The following TMBIM6 variants were observed in gnomAD, a reference collection of about 807,000 sequenced individuals.
The protein encoded by TMBIM6 is transmembrane BAX inhibitor motif containing 6.
A neutral mutation model predicts 31.4 loss-of-function variants in TMBIM6; 13 were observed. The ratio of observed to expected loss-of-function variants is 0.41; its 90% CI spans 0.27 to 0.66. TMBIM6 has a LOEUF of 0.66. Ranked by LOEUF, TMBIM6 falls within the 30% of genes least tolerant of loss-of-function variation. TMBIM6 has a pLI of 0.28. For missense variants in TMBIM6, 275 were observed against 289.5 expected (o/e 0.95, Z 0.36); for synonymous variants, 85 against 101.7 (o/e 0.84, Z 0.99).
rs1414582131 is a variant in TMBIM6 at position 49,753,020 on chromosome 12, C to T, written c.104C>T (p.Ala35Val). The change falls in exon 3 of 10, where the codon GCC becomes GTC. Residue 35 changes from alanine (A) to valine (V), a missense_variant. Ala to Val is a moderately conservative substitution (Grantham distance 64). Coordinates refer to ENST00000267115, the MANE Select transcript of TMBIM6 (RefSeq NM_003217.3). ...QHLKKVYASF[A>V]LCMFVAAAGA... is the part of the protein sequence containing the mutation. ...CTGAAGAAGGTCTATGCAAGTTTTG[C>T]CCTTTGTATGTTTGTGGCGGCTGCA... The T allele has an allele frequency of 6.2e-7, 1 of 1,614,020 alleles. No homozygotes were observed. The highest frequency in any genetic ancestry group is 8.5e-7 in the Non-Finnish European group (1 of 1,179,976).
Position 49,758,339 on chromosome 12 carries a change from C to G in TMBIM6, c.336-44C>G, listed in dbSNP as rs74087193. ...ATGAATATACCTTCTAAATGTAGACCGTATACCTGTAGCCCTTAATCTAAT... is the reference window on the plus strand; with the variant it reads ...ATGAATATACCTTCTAAATGTAGACGGTATACCTGTAGCCCTTAATCTAAT... On this transcript the variant is annotated intron_variant, in intron 5 of 9. Coordinates refer to ENST00000267115, the MANE Select transcript of TMBIM6 (RefSeq NM_003217.3). The G allele has an allele frequency of 5.3e-3, 8,580 of 1,612,558 alleles. 430 individuals carry two copies. In the African/African-American group the frequency reaches 0.1, roughly 19 times the overall value.
intron 1 of TMBIM6, among the ~76,000 whole-genome samples, chr12:49,746,118 T>C (rs952031514): frequency 6.6e-5 from 10 of 151,606 alleles, no homozygotes; most frequent in African/African-American, 2.2e-4. Context: ...AGTCTCACTC[T>C]GTCGCCCAGG....
chr12:49,743,665 CAT>C (rs1313548207), intron 1 of TMBIM6: 1 of 152,116 alleles, frequency 6.6e-6, no homozygotes, highest in African/African-American at 2.4e-5. Context: ...AGAAAAATGT[CAT>C]AGGAATCAAT....
intron 1 of TMBIM6, chr12:49,742,415 CTTTGTATA>C (rs1592718098): frequency 4.0e-6 from 5 of 1,240,334 alleles, no homozygotes; most frequent in Non-Finnish European, 1.1e-6. Flanking sequence ...GCTTTGGTAT[CTTTGTATA>C]TTTACTGAGT....
intron 4 of TMBIM6, among the ~76,000 whole-genome samples, chr12:49,756,714 C>G (rs1017045787): frequency 2.1e-5 from 3 of 140,884 alleles, no homozygotes; most frequent in African/African-American, 7.9e-5. Flanking sequence ...CATGAGCCAC[C>G]ACACCCAGCG....
chr12:49,755,690 C>A lies in TMBIM6; in HGVS notation c.221C>A (p.Thr74Lys). ...SLILMIWLMA[T>K]PHSHETEQKR... Reference sequence around the variant, plus strand: ...ATATTGATGATTTGGCTGATGGCAACACCTCATAGCCATGAAACTGAACAG... The same window carrying A: ...ATATTGATGATTTGGCTGATGGCAAAACCTCATAGCCATGAAACTGAACAG... The change falls in exon 4 of 10, where the codon ACA becomes AAA. Residue 74 changes from threonine to lysine, a missense_variant. Thr to Lys is a moderately conservative substitution (Grantham distance 78). Coordinates refer to ENST00000267115, the MANE Select transcript of TMBIM6 (RefSeq NM_003217.3). 2.5e-6 allele frequency: 4 copies of A among 1,614,186 alleles called. No individual in the cohort carries two copies. Among genetic ancestry groups the A allele is most frequent in the Non-Finnish European group, 3.4e-6 (4 of 1,180,008 alleles).
chr12:49,756,838 G>A (rs1945608168), intron 4 of TMBIM6, among the ~76,000 whole-genome samples: 1 of 152,072 alleles, frequency 6.6e-6, no homozygotes, highest in East Asian at 1.9e-4. Context: ...CCAGGTTCAA[G>A]CGATTCTCCT....
chr12:49,743,097 C>T (rs541232822), intron 1 of TMBIM6, among the ~76,000 whole-genome samples: 1 of 151,656 alleles, frequency 6.6e-6, no homozygotes. Flanking sequence ...GTGATCCACC[C>T]CAGCCTCCTG....
chr12:49,759,973 G>A (rs1230104031), intron 8 of TMBIM6, among the ~76,000 whole-genome samples: 1 of 151,008 alleles, frequency 6.6e-6, no homozygotes, highest in East Asian at 2.0e-4. Context: ...TTAGTCGGGC[G>A]TGGTGGCGGG....
chr12:49,742,583 A>G, intron 1 of TMBIM6: 1 of 252,352 alleles, frequency 4.0e-6, no homozygotes. Context: ...TGTGCTTGAA[A>G]CAGACAAGGA....
chr12:49,747,728 A>C (rs1945422004), intron 1 of TMBIM6, among the ~76,000 whole-genome samples: 3 of 152,044 alleles, frequency 2.0e-5, no homozygotes, highest in Admixed American at 2.0e-4. Context: ...TTGCTGTTTT[A>C]ATGTTGCTGT....
chr12:49,757,013 T>C (rs1945615340), intron 4 of TMBIM6, among the ~76,000 whole-genome samples: 1 of 152,040 alleles, frequency 6.6e-6, no homozygotes, highest in South Asian at 2.1e-4. Context: ...ATTACAGGCA[T>C]GAGCCACTGC....
At position 49,758,867 on chromosome 12, in the gene TMBIM6, C is replaced by G. The variant is rs1011903514; in HGVS notation, c.513+105C>G. On this transcript the variant is annotated intron_variant, in intron 7 of 9. Transcript: ENST00000267115. ...TTTCTGTACTACTTTGGGCAGTGCTCTCTAAGCCTTCCCATTATCCTTCAT... is the reference window on the plus strand; with the variant it reads ...TTTCTGTACTACTTTGGGCAGTGCTGTCTAAGCCTTCCCATTATCCTTCAT... The G allele has an allele frequency of 2.0e-5, 19 of 964,498 alleles. 1 individual carries two copies. In the South Asian group the frequency reaches 2.6e-4, roughly 13 times the overall value. The allele number at this position is 964,498 out of a possible 1,614,324, so 59.7% of individuals were successfully genotyped here. A position where few individuals can be genotyped will look rare whatever the true frequency, so the allele number is the denominator to read the frequency against.
intron 1 of TMBIM6, chr12:49,744,671 C>T (rs933883602): frequency 6.6e-6 from 1 of 152,122 alleles, no homozygotes; most frequent in Non-Finnish European, 1.5e-5. Flanking sequence ...TGAGCTGAAC[C>T]AGATGCAAGC....
intron 1 of TMBIM6, among the ~76,000 whole-genome samples, chr12:49,746,658 T>C (rs570983345): frequency 1.3e-5 from 2 of 152,286 alleles, no homozygotes; most frequent in East Asian, 1.9e-4. Context: ...ATAACTAGGA[T>C]TCAGAAGTAG....
chr12:49,757,528 CAA>C (rs1945627449), intron 4 of TMBIM6, among the ~76,000 whole-genome samples: 1 of 152,098 alleles, frequency 6.6e-6, no homozygotes, highest in African/African-American at 2.4e-5. Flanking sequence ...ATAAAGGAAA[CAA>C]GACTCAAGCT....
Position 49,756,440 on chromosome 12 carries a change from C to CTT in TMBIM6, c.286+706_286+707dup, listed in dbSNP as rs1194535783. ...TGAGCCATAGTACCCTGCCTCCTGG[C>CTT]TTTTTTTTTTTTTTTTTTTTTTAAG... is the stretch of plus-strand genomic sequence containing the variant. On this transcript the variant is annotated intron_variant, in intron 4 of 9. Transcript: ENST00000267115. 8.7e-3 allele frequency among the ~76,000 whole-genome samples: 921 copies of CTT among 105,776 alleles called. 21 individuals carry two copies. Among genetic ancestry groups the CTT allele is most frequent in the African/African-American group, 0.032 (844 of 26,090 alleles). 69.4% of individuals were successfully genotyped at this position (105,776 alleles called of 152,430 possible).
intron 3 of TMBIM6, among the ~76,000 whole-genome samples, chr12:49,755,268 A>C (rs754840482): frequency 6.6e-6 from 1 of 152,018 alleles, no homozygotes; most frequent in Non-Finnish European, 1.5e-5. Context: ...AAAGTGACCA[A>C]AGGGGGATCA....
intron 1 of TMBIM6, chr12:49,742,439 ATTACTACCCGGTGCCAGCCCG>A (rs1945314634): frequency 9.6e-7 from 1 of 1,038,848 alleles, no homozygotes; most frequent in Non-Finnish European, 1.3e-6. Context: ...TGAGTGTAGA[ATTACTACCCGGTGCCAGCCCG>A]GGCTGCTTGG....
Sources: allele counts gnomAD v4.1 joint callset (sites outside exome capture counted in the v4.1 genomes callset), GRCh38; gene constraint gnomAD v4.1.1; transcripts MANE v1.5; gene names NCBI Gene and HGNC (gene_info 2026-07-23, HGNC 2026-07-21).